The following DDC variants were observed in gnomAD, a reference collection of about 807,000 sequenced individuals.
The protein encoded by DDC is dopa decarboxylase.
DDC carries 43 observed loss-of-function variants against 60.0 expected under a neutral mutation model. The ratio of observed to expected loss-of-function variants is 0.72; its 90% CI spans 0.56 to 0.92. The LOEUF is 0.92. Ranked by LOEUF, DDC falls within the 40% of genes least tolerant of loss-of-function variation. The pLI, the probability that DDC is intolerant of heterozygous loss-of-function variation, is 0.00. For missense variants in DDC, 573 were observed against 620.2 expected, an observed-to-expected ratio of 0.92 and a Z score of 0.81; for synonymous variants, 232 against 234.6, an observed-to-expected ratio of 0.99 and a Z score of 0.10.
chr7:50,519,735 G>T (rs6964142), intron 6 of DDC, among the ~76,000 whole-genome samples: 1 of 152,044 alleles, frequency 6.6e-6, no homozygotes, highest in Admixed American at 6.6e-5. Context: ...TGGGGACTTG[G>T]GGGGAAGAGT....
intron 6 of DDC, among the ~76,000 whole-genome samples, chr7:50,526,720 A>T (rs2044046396): frequency 6.6e-6 from 1 of 152,212 alleles, no homozygotes; most frequent in Admixed American, 6.5e-5. Flanking sequence ...TGCTGCTTTC[A>T]CAGGATACAT....
At chr7:50,553,076 A>T (rs146441830) in intron 1 of DDC, among the ~76,000 whole-genome samples, 2 of 152,362 alleles carry the variant, frequency 1.3e-5, no homozygotes, top group East Asian at 3.9e-4. Context: ...CCAGGCCCCT[A>T]GCACCATGGG....
At chr7:50,535,720 T>A (rs2044383208) in intron 4 of DDC, among the ~76,000 whole-genome samples, 1 of 152,248 alleles carries the variant, frequency 6.6e-6, no homozygotes, top group Admixed American at 6.5e-5. Context: ...ACACTGGATG[T>A]GGTAGGCACA....
intron 12 of DDC, 133 bp from the exon 13 acceptor site, chr7:50,467,448 T>C: frequency 2.7e-6 from 2 of 732,592 alleles, no homozygotes; most frequent in Non-Finnish European, 4.8e-6. Context: ...CAAGTGCTTT[T>C]ACCGTTCACT....
At chr7:50,522,667 A>G (rs1179664224) in intron 6 of DDC, among the ~76,000 whole-genome samples, 1 of 152,254 alleles carries the variant, frequency 6.6e-6, no homozygotes, top group African/African-American at 2.4e-5. Context: ...GTAGTATTCA[A>G]CAAAAGGTGC....
chr7:50,555,934 A>T (rs2045170672), intron 1 of DDC, among the ~76,000 whole-genome samples: 1 of 152,222 alleles, frequency 6.6e-6, no homozygotes, highest in South Asian at 2.1e-4. Flanking sequence ...AGCCAGATGC[A>T]TATCAGTTGA....
intron 4 of DDC, among the ~76,000 whole-genome samples, chr7:50,530,695 G>A (rs2044176652): frequency 6.6e-6 from 1 of 152,120 alleles, no homozygotes; most frequent in Admixed American, 6.5e-5. Flanking sequence ...AGAAAGGTAG[G>A]GGCAGCGAGC....
chr7:50,474,419 G>A (rs769479897), intron 11 of DDC, among the ~76,000 whole-genome samples: 1 of 152,202 alleles, frequency 6.6e-6, no homozygotes, highest in Non-Finnish European at 1.5e-5. Context: ...AGAACCTAGG[G>A]TTGGGAAGAA....
intron 9 of DDC, among the ~76,000 whole-genome samples, chr7:50,482,997 CTTT>C (rs2042802731): frequency 6.7e-6 from 1 of 148,548 alleles, no homozygotes; most frequent in Non-Finnish European, 1.5e-5. Context: ...ATGTTTACTT[CTTT>C]ATCTTTTTTT....
chr7:50,484,420 C>T (rs984166452), intron 9 of DDC, among the ~76,000 whole-genome samples: 6 of 152,100 alleles, frequency 3.9e-5, no homozygotes, highest in African/African-American at 9.7e-5. Context: ...TTTGTAGGTG[C>T]TGCTTTAGCT....
intron 1 of DDC, among the ~76,000 whole-genome samples, chr7:50,545,664 G>T (rs2044778754): frequency 6.6e-6 from 1 of 152,130 alleles, no homozygotes; most frequent in Non-Finnish European, 1.5e-5. Context: ...GTAGAGGCGG[G>T]GTTTCACCAC....
intron 12 of DDC, among the ~76,000 whole-genome samples, chr7:50,469,596 T>C (rs567924144): frequency 6.6e-6 from 1 of 152,306 alleles, no homozygotes; most frequent in South Asian, 2.1e-4. Flanking sequence ...CCTGCAATCT[T>C]AACGAAAGTG....
In DDC at chr7:50,470,169, A is replaced by G. The variant is rs527805112; in HGVS notation, c.1044T>C (p.His348=). Residue 348 remains histidine (H), a splice_region_variant and synonymous_variant, in exon 12 of 15, where the codon CAT becomes CAC. Transcript: ENST00000444124. ...ATCTTCTGCCCAGTGGTATCTGCCA[A>G]TGCTGAAATGAAACATGAAACAGAC... ...QDSGLITDYR[H]WQIPLGRRFR... 7.2e-5 allele frequency: 115 copies of G among 1,604,726 alleles called. No homozygotes were observed. Among genetic ancestry groups the G allele is most frequent in the Non-Finnish European group, 8.1e-5 (95 of 1,171,580 alleles).
chr7:50,524,059 G>A (rs9918591), intron 6 of DDC, among the ~76,000 whole-genome samples: 108,730 of 152,030 alleles, frequency 0.72, 39,213 homozygotes, highest in East Asian at 0.8. Context: ...AAGTCAATCT[G>A]AAAAGGCTAC....
chr7:50,559,489 A>T (rs2045288336), intron 1 of DDC, among the ~76,000 whole-genome samples: 1 of 149,692 alleles, frequency 6.7e-6, no homozygotes, highest in South Asian at 2.1e-4. Context: ...GTGCAATGGC[A>T]TGATCTCAGC....
At chr7:50,520,998 A>G (rs1360635831) in intron 6 of DDC, among the ~76,000 whole-genome samples, 3 of 151,984 alleles carry the variant, frequency 2.0e-5, no homozygotes, top group Non-Finnish European at 4.4e-5. Flanking sequence ...GCAGAAATCA[A>G]TGAAATTGGA....
chr7:50,510,438 G>A (rs1237655944), intron 6 of DDC, among the ~76,000 whole-genome samples: 2 of 152,098 alleles, frequency 1.3e-5, no homozygotes, highest in Admixed American at 1.3e-4. Flanking sequence ...GGAGGCCAAG[G>A]CTGGCAGATC....
intron 9 of DDC, 139 bp from the exon 10 acceptor site, chr7:50,480,002 C>G: frequency 1.4e-6 from 1 of 706,996 alleles, no homozygotes; most frequent in Non-Finnish European, 2.6e-6. Flanking sequence ...ACGGCCCTGT[C>G]TCTGCTCCAA....
intron 4 of DDC, among the ~76,000 whole-genome samples, chr7:50,533,379 T>A (rs1040353082): frequency 6.6e-6 from 1 of 151,186 alleles, no homozygotes; most frequent in Admixed American, 6.6e-5. Context: ...CACCTCAACA[T>A]CCACCTCCTG....
Sources: gnomAD v4.1 joint callset for allele counts (sites outside exome capture counted in the v4.1 genomes callset) on GRCh38, gnomAD v4.1.1 for gene constraint, MANE v1.5 for transcripts, NCBI Gene and HGNC (gene_info 2026-07-23, HGNC 2026-07-21) for gene names.